Variants in DLG2 observed in about 807,000 individuals in gnomAD.
DLG2 encodes the protein disks large homolog 2.
In DLG2, 45 loss-of-function variants were observed where a neutral mutation model predicts 132.5. The ratio of observed to expected loss-of-function variants is 0.34; its 90% CI spans 0.27 to 0.44. DLG2 has a LOEUF of 0.44. DLG2 is among the 20% of genes least tolerant of loss of function. The probability of loss-of-function intolerance (pLI) is 1.00; values close to 1 mark genes in which losing one functional copy is unlikely to be tolerated. For synonymous variants in DLG2, 424 were observed against 419.6 expected (o/e 1.01, Z -0.13); for missense variants, 1,045 against 1,196.9 (o/e 0.87, Z 1.87).
At chr11:84,591,096 T>C (rs981937840) in intron 6 of DLG2, among the ~76,000 whole-genome samples, 8 of 152,118 alleles carry the variant, frequency 5.3e-5, no homozygotes, top group Non-Finnish European at 8.8e-5. Context: ...TCCCTCCTAT[T>C]AGTAGCTCTG....
chr11:84,217,375 A>T (rs2096850281), intron 8 of DLG2, among the ~76,000 whole-genome samples: 1 of 152,148 alleles, frequency 6.6e-6, no homozygotes. Context: ...ATTAGATCTG[A>T]TGGCTTTATA....
chr11:84,032,067 C>G (rs2095711707), intron 11 of DLG2, among the ~76,000 whole-genome samples: 1 of 152,092 alleles, frequency 6.6e-6, no homozygotes. Flanking sequence ...ATGTCCTTAC[C>G]TGTTCTCGCT....
intron 6 of DLG2, among the ~76,000 whole-genome samples, chr11:85,044,677 A>G (rs1028155964): frequency 6.6e-6 from 1 of 151,964 alleles, no homozygotes; most frequent in Non-Finnish European, 1.5e-5. Context: ...CACTGCTTAA[A>G]CTTGCCTATA....
chr11:83,511,276 G>A (rs1237918244), intron 21 of DLG2, among the ~76,000 whole-genome samples: 1 of 152,132 alleles, frequency 6.6e-6, no homozygotes, highest in East Asian at 1.9e-4. Flanking sequence ...TCTGCCTGGG[G>A]AGGAATTTTT....
intron 3 of DLG2, among the ~76,000 whole-genome samples, chr11:85,437,131 C>A (rs2153023733): frequency 6.6e-6 from 1 of 152,106 alleles, no homozygotes; most frequent in African/African-American, 2.4e-5. Context: ...AGGGGAATAA[C>A]ATACACCAGG....
chr11:84,408,727 A>G (rs2098876052), intron 7 of DLG2, among the ~76,000 whole-genome samples: 1 of 152,214 alleles, frequency 6.6e-6, no homozygotes, highest in Non-Finnish European at 1.5e-5. Context: ...GAGCCATGAT[A>G]AAATCTTGAG....
At chr11:84,273,367 T>C in intron 7 of DLG2, 2 of 1,310,892 alleles carry the variant, frequency 1.5e-6, no homozygotes, top group South Asian at 2.4e-5. Flanking sequence ...TAATTAGATC[T>C]GCTACACAAA....
intron 11 of DLG2, among the ~76,000 whole-genome samples, chr11:84,033,263 T>C (rs10792710): frequency 0.64 from 96,657 of 152,036 alleles, 33,526 homozygotes; most frequent in Non-Finnish European, 0.79. Flanking sequence ...TCATGATTCA[T>C]GGGAGGCGGT....
rs115121892 is a variant in DLG2, at chr11:83,790,225, A to G, written c.1723-3433T>C. The G allele has an allele frequency of 2.6e-3, 2,362 of 902,824 alleles. 45 individuals carry two copies. In the African/African-American group the frequency reaches 0.034, roughly 13 times the overall value. The allele number at this position is 902,824 out of a possible 1,614,324, so 55.9% of individuals were successfully genotyped here. Reference sequence around the variant, plus strand: ...GCTCAATTAGATCAACTATGGATGTATGCCCTTCCACATTTGGCTGTTCAT... The same window carrying G: ...GCTCAATTAGATCAACTATGGATGTGTGCCCTTCCACATTTGGCTGTTCAT... On this transcript the variant is annotated intron_variant, in intron 17 of 27. Transcript: ENST00000376104.
chr11:85,454,614 T>C (rs569870665), intron 3 of DLG2, among the ~76,000 whole-genome samples: 47 of 152,322 alleles, frequency 3.1e-4, no homozygotes, highest in Non-Finnish European at 6.5e-4. Context: ...CCAGGTCCTA[T>C]GTCCAGAATG....
chr11:85,141,233 A>G (rs554777362), intron 5 of DLG2, among the ~76,000 whole-genome samples: 1 of 151,786 alleles, frequency 6.6e-6, no homozygotes, highest in East Asian at 1.9e-4. Context: ...AGAACTCATT[A>G]TTTCCTGCCT....
chr11:85,078,081 C>G (rs2066781228), intron 6 of DLG2, among the ~76,000 whole-genome samples: 1 of 151,528 alleles, frequency 6.6e-6, no homozygotes, highest in African/African-American at 2.4e-5. Flanking sequence ...ATGGAACACC[C>G]ACTGTGAGTC....
At chr11:83,819,535 CTTCA>C (rs2050166097) in intron 17 of DLG2, among the ~76,000 whole-genome samples, 1 of 139,798 alleles carries the variant, frequency 7.2e-6, no homozygotes, top group South Asian at 2.5e-4. Context: ...AAAATATAGT[CTTCA>C]TTCTTCTTAA....
intron 8 of DLG2, among the ~76,000 whole-genome samples, chr11:84,176,728 G>C (rs904543199): frequency 6.6e-6 from 1 of 152,016 alleles, no homozygotes; most frequent in Non-Finnish European, 1.5e-5. Flanking sequence ...AGAAGTCTCA[G>C]AGACAGAATT....
In DLG2 at chr11:83,676,470, T is replaced by G. The variant is rs551504807; in HGVS notation, c.1826-43145A>C. 1.0e-3 allele frequency among the ~76,000 whole-genome samples: 154 copies of G among 152,336 alleles called. 1 individual carries two copies. The highest frequency in any genetic ancestry group is 8.9e-3 in the South Asian group (43 of 4,828). The stretch of plus-strand genomic sequence containing the variant: ...AGCAAGTCAGTTTGAGTCATCAGTT[T>G]AACTGCTGTATTTTCAGACTGGGTG... On this transcript the variant is annotated intron_variant, in intron 18 of 27. Transcript: ENST00000376104.
chr11:84,540,480 G>A (rs368764390), intron 6 of DLG2, among the ~76,000 whole-genome samples: 17 of 152,094 alleles, frequency 1.1e-4, no homozygotes, highest in Middle Eastern at 3.4e-3. Flanking sequence ...ATGCAAATCA[G>A]AACCACAATG....
At chr11:85,396,604 C>A (rs1344072864) in intron 3 of DLG2, among the ~76,000 whole-genome samples, 1 of 152,062 alleles carries the variant, frequency 6.6e-6, no homozygotes, top group African/African-American at 2.4e-5. Context: ...GAGGTGAAAA[C>A]CACAGCACGA....
At chr11:83,710,841 A>G (rs2085245130) in intron 18 of DLG2, among the ~76,000 whole-genome samples, 2 of 152,322 alleles carry the variant, frequency 1.3e-5, no homozygotes, top group South Asian at 4.1e-4. Flanking sequence ...TCCAGAATAA[A>G]AAAGGTAAAT....
intron 19 of DLG2, among the ~76,000 whole-genome samples, chr11:83,614,270 G>T (rs1450540645): frequency 6.6e-6 from 1 of 152,152 alleles, no homozygotes; most frequent in East Asian, 1.9e-4. Flanking sequence ...TGCAATATGG[G>T]ATATCAACAG....
Sources: allele counts gnomAD v4.1 joint callset (sites outside exome capture counted in the v4.1 genomes callset), GRCh38; gene constraint gnomAD v4.1.1; transcripts MANE v1.5; gene names NCBI Gene and HGNC (gene_info 2026-07-23, HGNC 2026-07-21).